Variants in MSRA observed in about 807,000 individuals in gnomAD.
MSRA encodes mitochondrial peptide methionine sulfoxide reductase.
In MSRA, 54 loss-of-function variants were observed where a neutral mutation model predicts 31.3. The ratio of observed to expected loss-of-function variants is 1.73; its 90% CI spans 1.39 to 2.17. MSRA has a LOEUF of 2.17. MSRA is among the 30% of genes most tolerant of loss of function. The pLI is 0.00. For missense variants in MSRA, 507 were observed against 300.9 expected (o/e 1.69, Z -5.07); for synonymous variants, 169 against 116.5 (o/e 1.45, Z -2.90).
At chr8:10,282,776 G>A (rs1393504183) in intron 3 of MSRA, among the ~76,000 whole-genome samples, 1 of 152,120 alleles carries the variant, frequency 6.6e-6, no homozygotes, top group African/African-American at 2.4e-5. Context: ...ACTCTTATCA[G>A]TGCACCTTCT....
chr8:10,138,612 C>T (rs1287936915), intron 1 of MSRA, among the ~76,000 whole-genome samples: 1 of 152,156 alleles, frequency 6.6e-6, no homozygotes, highest in African/African-American at 2.4e-5. Context: ...TTCCTATTTT[C>T]CCATGGGACT....
At chr8:10,267,816 C>A (rs1417005662) in intron 3 of MSRA, among the ~76,000 whole-genome samples, 2 of 152,152 alleles carry the variant, frequency 1.3e-5, no homozygotes, top group Non-Finnish European at 2.9e-5. Context: ...TCTCCATGTA[C>A]ATAATGGGCC....
chr8:10,267,224 T>C (rs1223357774), intron 3 of MSRA, among the ~76,000 whole-genome samples: 8 of 152,338 alleles, frequency 5.3e-5, no homozygotes, highest in Non-Finnish European at 2.9e-5. Flanking sequence ...AATCATGTAA[T>C]TATGTCTCTG....
At chr8:10,091,111 C>G (rs1360179844) in intron 1 of MSRA, among the ~76,000 whole-genome samples, 1 of 152,150 alleles carries the variant, frequency 6.6e-6, no homozygotes, top group Non-Finnish European at 1.5e-5. Context: ...GACTGGTCTT[C>G]TTTTCCTAGG....
chr8:10,202,740 G>C (rs1400301445), intron 1 of MSRA, among the ~76,000 whole-genome samples: 2 of 152,202 alleles, frequency 1.3e-5, no homozygotes, highest in Non-Finnish European at 2.9e-5. Flanking sequence ...CAGCCTAACT[G>C]TTATATAGAG....
At chr8:10,223,553 A>T (rs1312710320) in intron 2 of MSRA, among the ~76,000 whole-genome samples, 2 of 152,198 alleles carry the variant, frequency 1.3e-5, no homozygotes, top group African/African-American at 2.4e-5. Flanking sequence ...AAATTCTCCA[A>T]ACTGTAGCAC....
intron 5 of MSRA, chr8:10,337,230 A>G (rs1182914224): frequency 1.3e-5 from 2 of 151,946 alleles, no homozygotes; most frequent in African/African-American, 4.9e-5. Flanking sequence ...CCCAGGCTGG[A>G]GTGCAGTGGT....
chr8:10,068,631 A>G (rs944696471), intron 1 of MSRA, among the ~76,000 whole-genome samples: 27 of 152,176 alleles, frequency 1.8e-4, no homozygotes, highest in African/African-American at 5.5e-4. Context: ...ATGTGGGTCT[A>G]TTTCTGGGCT....
chr8:10,371,089 C>T (rs1442865139), intron 5 of MSRA, among the ~76,000 whole-genome samples: 9 of 152,122 alleles, frequency 5.9e-5, no homozygotes, highest in Admixed American at 5.9e-4. Context: ...GCACCCCTGC[C>T]GCAATCCCGA....
intron 1 of MSRA, among the ~76,000 whole-genome samples, chr8:10,165,435 C>A (rs1013965378): frequency 2.6e-5 from 4 of 152,124 alleles, no homozygotes; most frequent in Non-Finnish European, 5.9e-5. Context: ...TTTGGAACTG[C>A]AGTCAAACAA....
chr8:10,201,318 G>A (rs997810335), intron 1 of MSRA, among the ~76,000 whole-genome samples: 1 of 152,124 alleles, frequency 6.6e-6, no homozygotes, highest in African/African-American at 2.4e-5. Context: ...CGATGAGATT[G>A]TACTTCTTGA....
At chr8:10,378,415 C>T (rs753323659) in intron 5 of MSRA, among the ~76,000 whole-genome samples, 2 of 152,182 alleles carry the variant, frequency 1.3e-5, no homozygotes, top group South Asian at 2.1e-4. Context: ...GGAGGGCTGC[C>T]GGCTAATCCC....
At chr8:10,229,823 C>G (rs1363770435) in intron 2 of MSRA, among the ~76,000 whole-genome samples, 1 of 152,148 alleles carries the variant, frequency 6.6e-6, no homozygotes, top group Admixed American at 6.5e-5. Flanking sequence ...CGTCTATAAT[C>G]TAGGAATTTG....
intron 3 of MSRA, among the ~76,000 whole-genome samples, chr8:10,261,243 T>G (rs910319489): frequency 5.3e-5 from 8 of 152,160 alleles, no homozygotes; most frequent in African/African-American, 1.9e-4. Flanking sequence ...TAATATACAT[T>G]TAGTATATAC....
intron 1 of MSRA, among the ~76,000 whole-genome samples, chr8:10,177,229 A>G (rs967565359): frequency 2.0e-5 from 3 of 152,202 alleles, no homozygotes; most frequent in Non-Finnish European, 2.9e-5. Context: ...CACAGAATTC[A>G]GGACAGACAG....
intron 3 of MSRA, among the ~76,000 whole-genome samples, chr8:10,299,365 A>G (rs537115197): frequency 5.3e-5 from 8 of 152,240 alleles, no homozygotes; most frequent in Non-Finnish European, 7.4e-5. Context: ...TTATTTAAAC[A>G]TTTCAAATTA....
intron 1 of MSRA, among the ~76,000 whole-genome samples, chr8:10,154,505 G>C (rs1803985537): frequency 6.6e-6 from 1 of 152,034 alleles, no homozygotes. Flanking sequence ...AGCCTCCTGA[G>C]TAGCTGGTAC....
intron 5 of MSRA, among the ~76,000 whole-genome samples, chr8:10,398,610 G>A (rs992872063): frequency 6.6e-6 from 1 of 152,172 alleles, no homozygotes; most frequent in Non-Finnish European, 1.5e-5. Flanking sequence ...GCTGCCTGCT[G>A]CCAGCAATTC....
intron 1 of MSRA, among the ~76,000 whole-genome samples, chr8:10,101,539 C>T (rs955756867): frequency 3.3e-5 from 5 of 152,118 alleles, no homozygotes; most frequent in Non-Finnish European, 5.9e-5. Flanking sequence ...TTCTTCCCTT[C>T]CCCAAACCCC....
Sources: gnomAD v4.1 joint callset for allele counts (sites outside exome capture counted in the v4.1 genomes callset) on GRCh38, gnomAD v4.1.1 for gene constraint, MANE v1.5 for transcripts, NCBI Gene and HGNC (gene_info 2026-07-23, HGNC 2026-07-21) for gene names.